EPHA6: variants seen among roughly 807,000 people sequenced by gnomAD.
The protein encoded by EPHA6 is EPH receptor A6, also known as ephrin type-A receptor 6.
A neutral mutation model predicts 112.0 loss-of-function variants in EPHA6; 50 were observed. The ratio of observed to expected loss-of-function variants is 0.45; its 90% CI spans 0.36 to 0.56. The LOEUF (loss-of-function observed/expected upper bound fraction) is 0.56, where lower values mean the gene tolerates loss of function less well. Among genes scored for constraint, EPHA6 ranks in the 20% least tolerant of loss-of-function variants. The pLI is 0.00. For synonymous variants in EPHA6, 529 were observed against 490.7 expected, an observed-to-expected ratio of 1.08 and a Z score of -1.03; for missense variants, 1,280 against 1,417.4, an observed-to-expected ratio of 0.90 and a Z score of 1.56.
chr3:97,390,322 G>A (rs1237400765), intron 5 of EPHA6, among the ~76,000 whole-genome samples: 2 of 151,924 alleles, frequency 1.3e-5, no homozygotes, highest in East Asian at 3.9e-4. Context: ...GCATCTCCCT[G>A]AACCACTGTG....
At chr3:97,200,949 G>A (rs2077564429) in intron 3 of EPHA6, among the ~76,000 whole-genome samples, 1 of 152,090 alleles carries the variant, frequency 6.6e-6, no homozygotes, top group African/African-American at 2.4e-5. Context: ...TAAAATGGTT[G>A]GTTTAAGTTG....
intron 4 of EPHA6, among the ~76,000 whole-genome samples, chr3:97,233,512 T>G (rs1464855388): frequency 6.6e-6 from 1 of 152,100 alleles, no homozygotes; most frequent in African/African-American, 2.4e-5. Flanking sequence ...ATCTTTCCTG[T>G]TTTTCATTAA....
chr3:97,424,197 C>G (rs1482081134), intron 6 of EPHA6, among the ~76,000 whole-genome samples: 1 of 152,150 alleles, frequency 6.6e-6, no homozygotes, highest in Non-Finnish European at 1.5e-5. Flanking sequence ...TCTCCTGAGA[C>G]TTGTTCAGTA....
At chr3:97,250,384 T>A (rs1032624204) in intron 5 of EPHA6, among the ~76,000 whole-genome samples, 1 of 152,214 alleles carries the variant, frequency 6.6e-6, no homozygotes, top group Non-Finnish European at 1.5e-5. Context: ...AGTCGTCAGC[T>A]GTGTTCTCTG....
chr3:97,398,333 A>G (rs1488037342), intron 5 of EPHA6, among the ~76,000 whole-genome samples: 1 of 151,498 alleles, frequency 6.6e-6, no homozygotes. Flanking sequence ...TCTAATTTAT[A>G]TGATTTCCCT....
intron 12 of EPHA6, 140 bp from the exon 13 acceptor site, chr3:97,610,653 G>C (rs890764724): frequency 1.4e-6 from 1 of 692,154 alleles, no homozygotes; most frequent in Non-Finnish European, 2.5e-6. Context: ...ATATGAATAC[G>C]TTTATAGAAG....
intron 16 of EPHA6, chr3:97,745,379 G>C (rs1329163505): frequency 4.4e-6 from 2 of 453,474 alleles, no homozygotes; most frequent in East Asian, 1.4e-4. Context: ...GAATCATTTT[G>C]ATGTTAATTA....
At chr3:96,929,527 C>G (rs1240281411) in intron 2 of EPHA6, among the ~76,000 whole-genome samples, 3 of 151,776 alleles carry the variant, frequency 2.0e-5, no homozygotes, top group Non-Finnish European at 4.4e-5. Context: ...TCTGGGTTGG[C>G]AGTTTTCTTT....
In EPHA6 at chr3:97,226,157, T is replaced by C. The variant is rs1262532839; in HGVS notation, c.1115-107T>C. 3 of 869,806 alleles carry C rather than the reference T, an allele frequency of 3.4e-6. No homozygotes were observed. In the East Asian group the frequency reaches 8.1e-5, roughly 23 times the overall value. 53.9% of individuals were successfully genotyped at this position (869,806 alleles called of 1,614,324 possible). A position where few individuals can be genotyped will look rare whatever the true frequency, so the allele number is the denominator to read the frequency against. The stretch of plus-strand genomic sequence containing the variant: ...TGTCTTCTCTATGTATGTGTAACAC[T>C]GTACTCTGAGATCCAATGTGAATAT... On this transcript the variant is annotated intron_variant, in intron 3 of 17. Coordinates refer to ENST00000389672, the MANE Select transcript of EPHA6 (RefSeq NM_001080448.3).
intron 5 of EPHA6, among the ~76,000 whole-genome samples, chr3:97,379,438 A>G (rs1345509080): frequency 1.3e-5 from 2 of 152,058 alleles, no homozygotes; most frequent in South Asian, 2.1e-4. Context: ...AGAAACAAAT[A>G]TTATTTAAAG....
intron 14 of EPHA6, among the ~76,000 whole-genome samples, chr3:97,655,231 C>T (rs181452700): frequency 3.0e-4 from 45 of 151,538 alleles, no homozygotes; most frequent in African/African-American, 9.4e-4. Flanking sequence ...ACAAGTCACA[C>T]GGCTATTCCA....
At chr3:96,888,933 T>TA (rs1430314135) in intron 2 of EPHA6, among the ~76,000 whole-genome samples, 1 of 152,176 alleles carries the variant, frequency 6.6e-6, no homozygotes, top group African/African-American at 2.4e-5. Flanking sequence ...TGAATGCCTT[T>TA]AACAGCACCC....
At chr3:97,329,234 G>A (rs1273135817) in intron 5 of EPHA6, among the ~76,000 whole-genome samples, 1 of 151,662 alleles carries the variant, frequency 6.6e-6, no homozygotes, top group African/African-American at 2.4e-5. Context: ...CATTTGGGTT[G>A]GTTCCAAGTC....
At chr3:97,342,640 G>A (rs148395913) in intron 5 of EPHA6, among the ~76,000 whole-genome samples, 259 of 152,228 alleles carry the variant, frequency 1.7e-3, no homozygotes, top group South Asian at 9.3e-3. Context: ...AGGTAATTAC[G>A]TCATGAAGTG....
Position 96,814,879 on chromosome 3 carries a change from G to A in EPHA6, c.256G>A (p.Glu86Lys). ...GCGCTGCCGCCACTTCTCTTTAAGGGAGAGGAAAAGAGAGCCTAGGAGAAC... is the reference window on the plus strand; with the variant it reads ...GCGCTGCCGCCACTTCTCTTTAAGGAAGAGGAAAAGAGAGCCTAGGAGAAC... ...CLRCRHFSLR[E>K]RKREPRRTMG... The change falls in exon 1 of 18, where the codon GAG (glutamate) becomes AAG (lysine). Residue 86 changes from glutamate (E) to lysine (K), a missense_variant. Physicochemically the swap from Glu to Lys is moderately conservative, Grantham distance 56 (BLOSUM62 1). Transcript: ENST00000389672. The A allele has an allele frequency of 6.4e-7, 1 of 1,555,608 alleles. No individual in the cohort carries two copies. The highest frequency in any genetic ancestry group is 8.7e-7 in the Non-Finnish European group (1 of 1,149,012).
intron 10 of EPHA6, among the ~76,000 whole-genome samples, chr3:97,526,887 A>G (rs1449941186): frequency 6.7e-6 from 1 of 149,940 alleles, no homozygotes; most frequent in African/African-American, 2.5e-5. Flanking sequence ...AGCATGTCTT[A>G]TTATGGATGG....
Position 96,954,773 on chromosome 3 carries a change from C to CTTTTTTTTTTTTT in EPHA6, c.451-32538_451-32526dup, listed in dbSNP as rs10612575. ...TAGTCTTAAATTTTTACTGGTGTGC[C>CTTTTTTTTTTTTT]TTTTTTTTTTTTTTTTTTTTTTTTT... On this transcript the variant is annotated intron_variant, in intron 2 of 17. Coordinates refer to ENST00000389672, the MANE Select transcript of EPHA6 (RefSeq NM_001080448.3). Among the ~76,000 whole-genome samples the CTTTTTTTTTTTTT allele has an allele frequency of 2.8e-5, 2 of 72,686 alleles. 1 individual carries two copies. The highest frequency in any genetic ancestry group is 1.1e-4 in the African/African-American group (2 of 18,168). 47.7% of individuals were successfully genotyped at this position (72,686 alleles called of 152,430 possible). A position where few individuals can be genotyped will look rare whatever the true frequency, so the allele number is the denominator to read the frequency against.
chr3:96,959,508 T>A (rs914813817), intron 2 of EPHA6, among the ~76,000 whole-genome samples: 3 of 152,142 alleles, frequency 2.0e-5, no homozygotes, highest in African/African-American at 7.2e-5. Context: ...ACTTTTAAAG[T>A]GTAATTAATC....
At chr3:97,687,230 T>C (rs2032317251) in intron 14 of EPHA6, among the ~76,000 whole-genome samples, 1 of 152,190 alleles carries the variant, frequency 6.6e-6, no homozygotes, top group Admixed American at 6.5e-5. Context: ...TATATTTTAG[T>C]CTGCCGTAGA....
Sources: gnomAD v4.1 joint callset for allele counts (sites outside exome capture counted in the v4.1 genomes callset) on GRCh38, gnomAD v4.1.1 for gene constraint, MANE v1.5 for transcripts, NCBI Gene and HGNC (gene_info 2026-07-23, HGNC 2026-07-21) for gene names.